Variants in INPP4B observed in about 807,000 individuals in gnomAD.
INPP4B encodes the protein inositol polyphosphate-4-phosphatase type II B.
INPP4B carries 55 observed loss-of-function variants against 122.5 expected under a neutral mutation model. The ratio of observed to expected loss-of-function variants is 0.45; its 90% CI spans 0.36 to 0.56. INPP4B has a LOEUF of 0.56. Ranked by LOEUF, INPP4B falls within the 20% of genes least tolerant of loss-of-function variation. INPP4B has a pLI of 0.00. For synonymous variants in INPP4B, 403 were observed against 388.7 expected, an observed-to-expected ratio of 1.04 and a Z score of -0.43; for missense variants, 1,000 against 1,097.7, an observed-to-expected ratio of 0.91 and a Z score of 1.26.
intron 2 of INPP4B, among the ~76,000 whole-genome samples, chr4:142,579,920 T>C (rs1383391251): frequency 6.6e-6 from 1 of 151,512 alleles, no homozygotes; most frequent in East Asian, 1.9e-4. Context: ...GATAGATAGA[T>C]AGATAGATAG....
At chr4:142,716,735 A>C (rs151195689) in intron 2 of INPP4B, among the ~76,000 whole-genome samples, 6 of 152,200 alleles carry the variant, frequency 3.9e-5, no homozygotes, top group African/African-American at 1.4e-4. Flanking sequence ...AAGTTTTTTC[A>C]TATGTAGGAT....
In INPP4B at chr4:142,750,047, G is replaced by A. The variant is rs550367074; in HGVS notation, c.-253-24146C>T. ...TAAAACCAATTTTAATATAAAAAAA[G>A]TATTTTTCATCCCATCTGAAAATGA... is the stretch of plus-strand genomic sequence containing the variant. On this transcript the variant is annotated intron_variant, in intron 1 of 25. Transcript: ENST00000262992. Among the ~76,000 whole-genome samples, 3 of 151,900 alleles carry A rather than the reference G, an allele frequency of 2.0e-5. No individual in the cohort carries two copies. The East Asian group carries it at 5.8e-4, about 29-fold the overall frequency.
intron 18 of INPP4B, among the ~76,000 whole-genome samples, chr4:142,126,445 G>T (rs1210590031): frequency 6.6e-6 from 1 of 151,982 alleles, no homozygotes; most frequent in Non-Finnish European, 1.5e-5. Flanking sequence ...TAAACCCAAA[G>T]GGTTGAAAGG....
intron 1 of INPP4B, among the ~76,000 whole-genome samples, chr4:142,839,482 C>T (rs910760451): frequency 6.6e-6 from 1 of 152,056 alleles, no homozygotes; most frequent in Non-Finnish European, 1.5e-5. Flanking sequence ...GAAGTCTATA[C>T]CTCAATCATG....
intron 3 of INPP4B, among the ~76,000 whole-genome samples, chr4:142,449,797 C>A (rs543172586): frequency 6.6e-6 from 1 of 152,142 alleles, no homozygotes; most frequent in South Asian, 2.1e-4. Context: ...CGCTTGGATT[C>A]TAGGCTCATA....
chr4:142,070,411 C>A (rs1007112925), intron 25 of INPP4B, among the ~76,000 whole-genome samples: 3 of 152,170 alleles, frequency 2.0e-5, no homozygotes, highest in Admixed American at 6.5e-5. Flanking sequence ...GAAGCATTCC[C>A]TTTGAAAACT....
At chr4:142,406,456 AG>A (rs1265861990) in intron 5 of INPP4B, among the ~76,000 whole-genome samples, 1 of 152,354 alleles carries the variant, frequency 6.6e-6, no homozygotes, top group East Asian at 1.9e-4. Context: ...TTGAAAGCAA[AG>A]GAAAGTATAG....
At chr4:142,061,441 T>G (rs1397524708) in intron 25 of INPP4B, among the ~76,000 whole-genome samples, 1 of 152,056 alleles carries the variant, frequency 6.6e-6, no homozygotes, top group Non-Finnish European at 1.5e-5. Flanking sequence ...AGAATAACAA[T>G]TAATGTGTAA....
At chr4:142,338,238 AT>A (rs1777503339) in intron 7 of INPP4B, among the ~76,000 whole-genome samples, 1 of 83,628 alleles carries the variant, frequency 1.2e-5, no homozygotes, top group Non-Finnish European at 2.5e-5. Flanking sequence ...TGGCAACTTT[AT>A]TTTATTTTAT....
chr4:142,636,952 A>G (rs1749289338), intron 2 of INPP4B, among the ~76,000 whole-genome samples: 1 of 152,152 alleles, frequency 6.6e-6, no homozygotes, highest in East Asian at 1.9e-4. Context: ...AATTGTTAAA[A>G]TACTCTAAAA....
chr4:142,829,716 CATT>C (rs1274611379), intron 1 of INPP4B, among the ~76,000 whole-genome samples: 2 of 152,164 alleles, frequency 1.3e-5, no homozygotes, highest in African/African-American at 4.8e-5. Context: ...AATTGTATAA[CATT>C]ATCATTCAAC....
chr4:142,361,038 T>A (rs1217665457), intron 7 of INPP4B, among the ~76,000 whole-genome samples: 1 of 151,896 alleles, frequency 6.6e-6, no homozygotes, highest in Non-Finnish European at 1.5e-5. Flanking sequence ...ATCCTATTGT[T>A]CACTAAGTCC....
chr4:142,144,506 T>C (rs1210573847), intron 18 of INPP4B, among the ~76,000 whole-genome samples: 1 of 152,046 alleles, frequency 6.6e-6, no homozygotes, highest in Non-Finnish European at 1.5e-5. Context: ...TAAAGAAAAT[T>C]GAAGTATGCT....
At position 142,538,993 on chromosome 4, in the gene INPP4B, T is replaced by C. The variant is rs569421798; in HGVS notation, c.-190-76267A>G. ...GATAAAAGTAAACCTCAAATATTTG[T>C]ACAAGACAATGAAAAAAATTGTTTA... On this transcript the variant is annotated intron_variant, in intron 2 of 25. Coordinates refer to ENST00000262992, the MANE Select transcript of INPP4B (RefSeq NM_001101669.3). Among the ~76,000 whole-genome samples the C allele has an allele frequency of 2.6e-5, 4 of 151,712 alleles. No homozygotes were observed. In the East Asian group the frequency reaches 7.7e-4, roughly 29 times the overall value.
At chr4:142,464,800 G>A (rs1560688513) in intron 2 of INPP4B, among the ~76,000 whole-genome samples, 1 of 152,036 alleles carries the variant, frequency 6.6e-6, no homozygotes, top group Non-Finnish European at 1.5e-5. Context: ...AAATTTTTGT[G>A]GTCCTTAAGT....
chr4:142,412,591 T>A (rs1804848355), intron 5 of INPP4B, among the ~76,000 whole-genome samples: 1 of 152,188 alleles, frequency 6.6e-6, no homozygotes, highest in Non-Finnish European at 1.5e-5. Context: ...TTCACTACTA[T>A]CTGTTTATGG....
At chr4:142,362,025 A>G (rs1306323410) in intron 7 of INPP4B, among the ~76,000 whole-genome samples, 10 of 151,534 alleles carry the variant, frequency 6.6e-5, no homozygotes, top group Admixed American at 2.0e-4. Context: ...AAACAACCGT[A>G]ATGTATGACA....
chr4:142,796,418 A>G (rs1469877133), intron 1 of INPP4B, among the ~76,000 whole-genome samples: 1 of 152,028 alleles, frequency 6.6e-6, no homozygotes, highest in African/African-American at 2.4e-5. Flanking sequence ...GAAACCTGTT[A>G]AGAATAAAAC....
At chr4:142,067,510 G>A (rs554230109) in intron 25 of INPP4B, among the ~76,000 whole-genome samples, 5 of 152,250 alleles carry the variant, frequency 3.3e-5, no homozygotes, top group South Asian at 4.2e-4. Context: ...GGCTTCAGAC[G>A]ATCGGTAACA....
Sources: allele counts gnomAD v4.1 joint callset (sites outside exome capture counted in the v4.1 genomes callset), GRCh38; gene constraint gnomAD v4.1.1; transcripts MANE v1.5; gene names NCBI Gene and HGNC (gene_info 2026-07-23, HGNC 2026-07-21).